The following PCDH9 variants were observed in gnomAD, a reference collection of about 807,000 sequenced individuals.
PCDH9 encodes protocadherin 9, also known as protocadherin-9.
PCDH9 carries 24 observed loss-of-function variants against 70.6 expected under a neutral mutation model. The observed-to-expected ratio is 0.34, with a 90% confidence interval of 0.25 to 0.48. The LOEUF is 0.48. Among genes scored for constraint, PCDH9 ranks in the 20% least tolerant of loss-of-function variants. The probability of loss-of-function intolerance (pLI) is 0.99; values close to 1 mark genes in which losing one functional copy is unlikely to be tolerated. For synonymous variants in PCDH9, 562 were observed against 558.5 expected (o/e 1.01, Z -0.09); for missense variants, 1,281 against 1,503.6 (o/e 0.85, Z 2.45).
At chr13:67,049,363 A>T (rs2085281203) in intron 2 of PCDH9, among the ~76,000 whole-genome samples, 1 of 152,334 alleles carries the variant, frequency 6.6e-6, no homozygotes, top group African/African-American at 2.4e-5. Flanking sequence ...AAATTAACAA[A>T]TCATCTGCTA....
intron 3 of PCDH9, among the ~76,000 whole-genome samples, chr13:66,900,080 A>G (rs920368106): frequency 6.6e-6 from 1 of 151,918 alleles, no homozygotes. Flanking sequence ...AGTAATATGC[A>G]TAGGTAATCT....
At chr13:66,675,455 ATG>A (rs2078230045) in intron 3 of PCDH9, among the ~76,000 whole-genome samples, 2 of 152,144 alleles carry the variant, frequency 1.3e-5, no homozygotes, top group African/African-American at 4.8e-5. Context: ...GAATTATTGC[ATG>A]TTTCTGGTTA....
chr13:66,548,835 A>G (rs1371923876), intron 4 of PCDH9, among the ~76,000 whole-genome samples: 1 of 152,146 alleles, frequency 6.6e-6, no homozygotes, highest in African/African-American at 2.4e-5. Flanking sequence ...CAGAGTAACC[A>G]AAACTTGAAA....
intron 4 of PCDH9, among the ~76,000 whole-genome samples, chr13:66,596,262 C>T (rs1054656747): frequency 6.6e-6 from 1 of 151,548 alleles, no homozygotes; most frequent in Non-Finnish European, 1.5e-5. Flanking sequence ...TATTACAGGC[C>T]TTCATTAAAC....
intron 2 of PCDH9, among the ~76,000 whole-genome samples, chr13:67,140,032 CCCCCCCG>C (rs929034785): frequency 2.6e-5 from 3 of 114,582 alleles, no homozygotes; most frequent in African/African-American, 9.5e-5. Context: ...ATCACCCCCC[CCCCCCCG>C]CCCATTGTGT....
At chr13:66,438,531 C>A (rs1054547473) in intron 4 of PCDH9, among the ~76,000 whole-genome samples, 1 of 152,118 alleles carries the variant, frequency 6.6e-6, no homozygotes, top group East Asian at 1.9e-4. Context: ...ATTCACAGAA[C>A]AATTTCCCTT....
At chr13:67,034,281 C>G (rs890083985) in intron 2 of PCDH9, among the ~76,000 whole-genome samples, 2 of 152,218 alleles carry the variant, frequency 1.3e-5, no homozygotes, top group African/African-American at 4.8e-5. Context: ...CCGTGCCCAG[C>G]CAGGATTGCG....
intron 2 of PCDH9, among the ~76,000 whole-genome samples, chr13:66,930,770 T>C (rs1463832244): frequency 1.3e-5 from 2 of 152,132 alleles, no homozygotes; most frequent in African/African-American, 2.4e-5. Flanking sequence ...CAATGTTACC[T>C]CTTTTAATGT....
chr13:66,910,087 C>T (rs931228514), intron 2 of PCDH9, among the ~76,000 whole-genome samples: 2 of 152,086 alleles, frequency 1.3e-5, no homozygotes, highest in South Asian at 2.1e-4. Flanking sequence ...ACCCTTTTGT[C>T]TTCCTTCTTG....
At chr13:66,714,069 A>G (rs986784680) in intron 3 of PCDH9, among the ~76,000 whole-genome samples, 1 of 152,210 alleles carries the variant, frequency 6.6e-6, no homozygotes, top group African/African-American at 2.4e-5. Context: ...ATTGCAGGAT[A>G]CTAGGTAATG....
chr13:67,148,243 TG>T (rs2087571658), intron 2 of PCDH9, among the ~76,000 whole-genome samples: 4 of 152,214 alleles, frequency 2.6e-5, no homozygotes, highest in African/African-American at 9.6e-5. Context: ...AATTGGAATT[TG>T]TATTTTTCTT....
chr13:66,519,323 A>G (rs1959884094), intron 4 of PCDH9, among the ~76,000 whole-genome samples: 1 of 152,144 alleles, frequency 6.6e-6, no homozygotes, highest in Non-Finnish European at 1.5e-5. Context: ...CAGTACAGAT[A>G]CCCATATATA....
intron 2 of PCDH9, chr13:67,213,206 CA>C (rs34813503): frequency 0.015 from 303 of 20,368 alleles, 1 homozygote; most frequent in African/African-American, 0.024. Context: ...GACTCCGTCA[CA>C]AAAAAAAAAA....
chr13:66,821,983 A>G (rs982378382), intron 3 of PCDH9, among the ~76,000 whole-genome samples: 5 of 152,032 alleles, frequency 3.3e-5, no homozygotes, highest in African/African-American at 9.7e-5. Flanking sequence ...AAATGTTGAG[A>G]GCTGTTTCTT....
intron 4 of PCDH9, among the ~76,000 whole-genome samples, chr13:66,523,539 CAT>C (rs377191150): frequency 2.0e-5 from 3 of 150,808 alleles, no homozygotes; most frequent in Admixed American, 1.3e-4. Context: ...ATGAACTTAA[CAT>C]ATATATATAT....
intron 3 of PCDH9, among the ~76,000 whole-genome samples, chr13:66,816,780 C>T (rs910652651): frequency 1.6e-4 from 25 of 151,736 alleles, no homozygotes; most frequent in African/African-American, 4.6e-4. Context: ...AGTAGCCGGG[C>T]GCAGTGGCAT....
At chr13:66,991,856 A>C (rs2084009765) in intron 2 of PCDH9, among the ~76,000 whole-genome samples, 1 of 152,166 alleles carries the variant, frequency 6.6e-6, no homozygotes, top group Non-Finnish European at 1.5e-5. Context: ...AAAAGATGTA[A>C]CATAAAAATC....
intron 2 of PCDH9, among the ~76,000 whole-genome samples, chr13:67,098,919 T>C (rs2086377122): frequency 6.6e-6 from 1 of 152,196 alleles, no homozygotes; most frequent in South Asian, 2.1e-4. Flanking sequence ...ATTGTTCAGT[T>C]TTCTAGAAGT....
chr13:66,307,486 C>A (rs1955487732), intron 4 of PCDH9, among the ~76,000 whole-genome samples: 1 of 152,094 alleles, frequency 6.6e-6, no homozygotes, highest in South Asian at 2.1e-4. Context: ...CCTAGCAATA[C>A]TTTGTGACAG....
Sources: gnomAD v4.1 joint callset for allele counts (sites outside exome capture counted in the v4.1 genomes callset) on GRCh38, gnomAD v4.1.1 for gene constraint, MANE v1.5 for transcripts, NCBI Gene and HGNC (gene_info 2026-07-23, HGNC 2026-07-21) for gene names.